Variants in ATG10 observed in about 807,000 individuals in gnomAD.
ATG10 encodes autophagy related 10.
A neutral mutation model predicts 32.1 loss-of-function variants in ATG10; 30 were observed. That is an observed-to-expected ratio of 0.94 (90% CI 0.70 to 1.27). ATG10 has a LOEUF of 1.27. ATG10 is among the 50% of genes most tolerant of loss of function. The probability of loss-of-function intolerance (pLI) is 0.00; values close to 1 mark genes in which losing one functional copy is unlikely to be tolerated. For missense variants in ATG10, 233 were observed against 262.3 expected (o/e 0.89, Z 0.77); for synonymous variants, 87 against 91.5 (o/e 0.95, Z 0.28).
chr5:82,014,635 G>C (rs557077329), intron 2 of ATG10, among the ~76,000 whole-genome samples: 1 of 152,142 alleles, frequency 6.6e-6, no homozygotes, highest in Admixed American at 6.5e-5. Flanking sequence ...TGTTTTATCC[G>C]AGACTAGGAT....
At chr5:82,230,590 A>G (rs529282790) in intron 5 of ATG10, among the ~76,000 whole-genome samples, 34 of 152,090 alleles carry the variant, frequency 2.2e-4, no homozygotes, top group Middle Eastern at 6.8e-3. Flanking sequence ...AAACTTAGCC[A>G]GGTGTGGTGG....
chr5:82,061,542 T>C (rs1361827268), intron 3 of ATG10, among the ~76,000 whole-genome samples: 1 of 151,854 alleles, frequency 6.6e-6, no homozygotes, highest in Admixed American at 6.6e-5. Context: ...GTTATTTGAC[T>C]AAACCTTCAG....
intron 3 of ATG10, among the ~76,000 whole-genome samples, chr5:82,098,308 GTTTTT>G (rs35693758): frequency 8.7e-6 from 1 of 115,602 alleles, no homozygotes; most frequent in Non-Finnish European, 1.8e-5. Flanking sequence ...TTGTTGTTGG[GTTTTT>G]TTTTTTTTTT....
intron 3 of ATG10, among the ~76,000 whole-genome samples, chr5:82,138,073 T>A (rs531506629): frequency 5.4e-4 from 82 of 152,204 alleles, no homozygotes; most frequent in Non-Finnish European, 9.7e-4. Context: ...GACGCCCCTG[T>A]CCCCAGCAAG....
At chr5:82,078,260 C>G (rs1334292972) in intron 3 of ATG10, among the ~76,000 whole-genome samples, 2 of 152,002 alleles carry the variant, frequency 1.3e-5, no homozygotes, top group Non-Finnish European at 2.9e-5. Context: ...AAGAAGACAC[C>G]AGAAGTCTGA....
chr5:82,242,678 A>G (rs538622192), intron 5 of ATG10: 9 of 330,598 alleles, frequency 2.7e-5, no homozygotes, highest in Admixed American at 9.0e-5. Context: ...ATGGGATAAT[A>G]TAATCCAAGT....
chr5:81,975,334 A>G lies in ATG10; in HGVS notation c.-13+3028A>G, dbSNP rs535068935. On this transcript the variant is annotated intron_variant, in intron 1 of 7. Coordinates refer to ENST00000282185, the MANE Select transcript of ATG10 (RefSeq NM_031482.5). ...TGTGTATTCTGAAAAATAAAAAAAT[A>G]TTTGGTTACAAACTATTGAAGGCAA... is the stretch of plus-strand genomic sequence containing the variant. Among the ~76,000 whole-genome samples, 175 of 152,292 alleles carry G rather than the reference A, an allele frequency of 1.1e-3. 2 individuals are homozygous for G. The highest frequency in any genetic ancestry group is 2.3e-3 in the Admixed American group (35 of 15,288).
chr5:82,009,435 T>A (rs1417163972), intron 2 of ATG10, among the ~76,000 whole-genome samples: 5 of 152,108 alleles, frequency 3.3e-5, no homozygotes, highest in African/African-American at 1.2e-4. Context: ...AACTCTGCAA[T>A]CCAGCTAGGC....
intron 2 of ATG10, among the ~76,000 whole-genome samples, chr5:82,026,639 A>G (rs930947200): frequency 7.2e-5 from 11 of 152,180 alleles, no homozygotes; most frequent in African/African-American, 2.4e-4. Context: ...TACATTCTTG[A>G]TAGAATTTCA....
At chr5:82,219,501 ATAGTCCTCTCATAT>A (rs1172573238) in intron 5 of ATG10, among the ~76,000 whole-genome samples, 1 of 152,216 alleles carries the variant, frequency 6.6e-6, no homozygotes, top group African/African-American at 2.4e-5. Context: ...TATAACCCAA[ATAGTCCTCTCATAT>A]TAGCCTTGTC....
intron 2 of ATG10, among the ~76,000 whole-genome samples, chr5:82,014,731 G>A (rs188534478): frequency 6.6e-4 from 100 of 152,192 alleles, no homozygotes; most frequent in Middle Eastern, 6.8e-3. Flanking sequence ...GTCTCTGCAC[G>A]TGAGATGGGT....
intron 4 of ATG10, among the ~76,000 whole-genome samples, chr5:82,167,652 G>T (rs778837836): frequency 9.9e-5 from 15 of 152,142 alleles, no homozygotes; most frequent in Non-Finnish European, 1.8e-4. Flanking sequence ...TAGAAAAATA[G>T]AACATCCTGA....
intron 2 of ATG10, among the ~76,000 whole-genome samples, chr5:82,037,699 AG>A (rs1762976326): frequency 6.6e-6 from 1 of 152,106 alleles, no homozygotes; most frequent in African/African-American, 2.4e-5. Flanking sequence ...AATGTCTTAT[AG>A]GTTTTTTCAG....
intron 3 of ATG10, among the ~76,000 whole-genome samples, chr5:82,160,168 C>T (rs1056777164): frequency 2.0e-5 from 3 of 152,072 alleles, no homozygotes; most frequent in Non-Finnish European, 2.9e-5. Context: ...CTCATGTTGC[C>T]GTTTTATAAC....
Position 82,200,463 on chromosome 5 carries a change from CTTTTTTTTTTT to C in ATG10, c.453+21894_453+21904del, listed in dbSNP as rs764388608. On this transcript the variant is annotated intron_variant, in intron 5 of 7. Coordinates refer to ENST00000282185, the MANE Select transcript of ATG10 (RefSeq NM_031482.5). ...ATCTTTTCAAATCTTTCCCTAACTT[CTTTTTTTTTTT>C]TTTTTTTTTTTTTTTTTGAGGGACA... Among the ~76,000 whole-genome samples the C allele has an allele frequency of 1.3e-3, 67 of 52,562 alleles. 1 individual carries two copies. The highest frequency in any genetic ancestry group is 2.7e-3 in the African/African-American group (35 of 12,866). 34.5% of individuals were successfully genotyped at this position (52,562 alleles called of 152,430 possible).
intron 2 of ATG10, among the ~76,000 whole-genome samples, chr5:82,049,850 A>G (rs993813932): frequency 6.6e-6 from 1 of 152,156 alleles, no homozygotes; most frequent in Non-Finnish European, 1.5e-5. Context: ...GTTTTAATGA[A>G]GTTTTCTTAC....
rs1274055952 is a variant in ATG10, at chr5:81,972,312, T to TATTC, written c.-13+7_-13+10dup. The TATTC allele has an allele frequency of 1.3e-5, 2 of 151,808 alleles. No individual in the cohort carries two copies. Among genetic ancestry groups the TATTC allele is most frequent in the African/African-American group, 2.4e-5 (1 of 41,272 alleles). 9.4% of individuals were successfully genotyped at this position (151,808 alleles called of 1,614,324 possible). ...CAGGGGCCGAGCGGAGAGGGGTGAG[T>TATTC]ATTCCCCACAGCCCTTGCCGGTTGT... On this transcript the variant is annotated splice_region_variant and intron_variant, in intron 1 of 7. Coordinates refer to ENST00000282185, the MANE Select transcript of ATG10 (RefSeq NM_031482.5).
At chr5:82,089,567 C>T (rs1490536715) in intron 3 of ATG10, among the ~76,000 whole-genome samples, 1 of 152,180 alleles carries the variant, frequency 6.6e-6, no homozygotes, top group African/African-American at 2.4e-5. Context: ...CATACCCTGA[C>T]CTCAGTCTCA....
At chr5:82,211,486 A>G (rs1413187987) in intron 5 of ATG10, among the ~76,000 whole-genome samples, 1 of 151,764 alleles carries the variant, frequency 6.6e-6, no homozygotes, top group Non-Finnish European at 1.5e-5. Flanking sequence ...ACTTTCCACT[A>G]TGCTCTCTGG....
Sources: allele counts gnomAD v4.1 joint callset (sites outside exome capture counted in the v4.1 genomes callset), GRCh38; gene constraint gnomAD v4.1.1; transcripts MANE v1.5; gene names NCBI Gene and HGNC (gene_info 2026-07-23, HGNC 2026-07-21).